Variants in CDK14 observed in about 807,000 individuals in gnomAD.
CDK14 encodes cyclin-dependent kinase 14.
CDK14 carries 34 observed loss-of-function variants against 60.7 expected under a neutral mutation model. That is an observed-to-expected ratio of 0.56 (90% CI 0.43 to 0.75). The LOEUF (loss-of-function observed/expected upper bound fraction) is 0.75, where lower values mean the gene tolerates loss of function less well. CDK14 is among the 30% of genes least tolerant of loss of function. The pLI, the probability that CDK14 is intolerant of heterozygous loss-of-function variation, is 0.00. For missense variants in CDK14, 482 were observed against 564.1 expected (o/e 0.85, Z 1.47); for synonymous variants, 197 against 203.7 (o/e 0.97, Z 0.28).
intron 2 of CDK14, among the ~76,000 whole-genome samples, chr7:90,613,588 G>A (rs552243013): frequency 9.2e-5 from 14 of 151,910 alleles, no homozygotes; most frequent in South Asian, 2.1e-4. Flanking sequence ...TTGGGAGGCC[G>A]AGGCAAGAGA....
At chr7:91,078,025 A>G (rs541332964) in intron 11 of CDK14, among the ~76,000 whole-genome samples, 3 of 152,350 alleles carry the variant, frequency 2.0e-5, no homozygotes, top group East Asian at 3.9e-4. Context: ...TAGAAGACGT[A>G]TGGAGAAAGT....
chr7:91,045,765 C>T, intron 10 of CDK14, 132 bp from the exon 11 acceptor site: 1 of 586,320 alleles, frequency 1.7e-6, no homozygotes, highest in Non-Finnish European at 3.0e-6. Context: ...GAAATAAAAT[C>T]TCTGGCATAC....
chr7:90,626,355 C>T (rs2116387412), intron 2 of CDK14, among the ~76,000 whole-genome samples: 1 of 152,086 alleles, frequency 6.6e-6, no homozygotes, highest in East Asian at 1.9e-4. Flanking sequence ...ATTTAGAGAC[C>T]CTCAGGCAGA....
chr7:91,039,221 T>C (rs184641389), intron 10 of CDK14, among the ~76,000 whole-genome samples: 11 of 152,260 alleles, frequency 7.2e-5, no homozygotes, highest in Admixed American at 1.3e-4. Context: ...ACACCCCTCA[T>C]TGAGCAGCCT....
At position 90,649,529 on chromosome 7, in the gene CDK14, T is replaced by G. The variant is rs1375107657; in HGVS notation, c.123+45280T>G. The stretch of plus-strand genomic sequence containing the variant: ...ACAACATGCAGGTTTGTTACATAGA[T>G]GTACATGTGCCATGTTGGTTTGCTG... On this transcript the variant is annotated intron_variant, in intron 2 of 14. Coordinates refer to ENST00000380050, the MANE Select transcript of CDK14 (RefSeq NM_001287135.2). Among the ~76,000 whole-genome samples, 3 of 150,692 alleles carry G rather than the reference T, an allele frequency of 2.0e-5. No individual in the cohort carries two copies. The South Asian group carries it at 6.4e-4, about 32-fold the overall frequency.
intron 8 of CDK14, among the ~76,000 whole-genome samples, chr7:90,936,057 AAAG>A (rs1006872883): frequency 1.5e-4 from 23 of 152,140 alleles, no homozygotes; most frequent in South Asian, 8.3e-4. Flanking sequence ...AAAAAAGAAA[AAAG>A]AAGAAGAAGA....
rs77288246 is a variant in CDK14 at position 91,036,722 on chromosome 7, A to G, written c.1042-9175A>G. On this transcript the variant is annotated intron_variant, in intron 10 of 14. Transcript: ENST00000380050. ...TTACTTTATTGTAAGGATATAGTAT[A>G]TAATAAATATAACATATATATAGTT... 4.4e-3 allele frequency among the ~76,000 whole-genome samples: 667 copies of G among 152,348 alleles called. 4 individuals carry two copies. Among genetic ancestry groups the G allele is most frequent in the African/African-American group, 0.015 (643 of 41,578 alleles).
At chr7:90,981,557 A>G (rs912481754) in intron 9 of CDK14, among the ~76,000 whole-genome samples, 3 of 152,228 alleles carry the variant, frequency 2.0e-5, no homozygotes, top group African/African-American at 7.2e-5. Context: ...CATTGTTTAT[A>G]TACAATTGTG....
In CDK14 at chr7:90,967,678, GAT is replaced by G. The variant is rs1206159367; in HGVS notation, c.947+11863_947+11864del. Among the ~76,000 whole-genome samples, 3 of 152,152 alleles carry G rather than the reference GAT, an allele frequency of 2.0e-5. No homozygotes were observed. The East Asian group carries it at 5.8e-4, about 29-fold the overall frequency. On this transcript the variant is annotated intron_variant, in intron 9 of 14. Transcript: ENST00000380050. ...ATGTGAGGTCATAATTCTTTAAAAA[GAT>G]AATAATTTTACATGAGTGGATTATA...
intron 10 of CDK14, among the ~76,000 whole-genome samples, chr7:91,019,483 CT>C (rs975099769): frequency 2.6e-5 from 4 of 152,104 alleles, no homozygotes; most frequent in African/African-American, 7.2e-5. Context: ...TCTTTTTAGT[CT>C]TTTTAGATCT....
intron 11 of CDK14, among the ~76,000 whole-genome samples, chr7:91,062,831 G>T: frequency 6.6e-6 from 1 of 152,172 alleles, no homozygotes; most frequent in East Asian, 1.9e-4. Context: ...GTGGTGAGCT[G>T]GGTTTCAGCT....
At chr7:91,164,117 T>G (rs371156758) in intron 14 of CDK14, among the ~76,000 whole-genome samples, 2 of 152,294 alleles carry the variant, frequency 1.3e-5, no homozygotes, top group African/African-American at 4.8e-5. Flanking sequence ...ATTACTTACA[T>G]AGCAGAACGT....
chr7:90,734,596 C>G (rs1445314021), intron 3 of CDK14, among the ~76,000 whole-genome samples: 1 of 152,030 alleles, frequency 6.6e-6, no homozygotes, highest in Non-Finnish European at 1.5e-5. Context: ...TCCCCTTGAT[C>G]GATTCAGCTA....
chr7:91,205,057 G>A (rs952441377), intron 14 of CDK14, among the ~76,000 whole-genome samples: 19 of 152,098 alleles, frequency 1.2e-4, no homozygotes, highest in Non-Finnish European at 7.4e-5. Flanking sequence ...AAATGTTTTG[G>A]CAAAATTGGA....
At chr7:91,176,996 G>C (rs1697517799) in intron 14 of CDK14, among the ~76,000 whole-genome samples, 1 of 151,392 alleles carries the variant, frequency 6.6e-6, no homozygotes, top group African/African-American at 2.4e-5. Flanking sequence ...GCCAGGCAGA[G>C]ACACAACCAA....
At chr7:90,912,839 T>G (rs182301040) in intron 7 of CDK14, among the ~76,000 whole-genome samples, 10 of 152,270 alleles carry the variant, frequency 6.6e-5, no homozygotes, top group Non-Finnish European at 1.5e-4. Context: ...CTTGAACTCT[T>G]GAAGTCAAGT....
chr7:90,798,773 G>T (rs763225703), intron 5 of CDK14, among the ~76,000 whole-genome samples: 1 of 152,226 alleles, frequency 6.6e-6, no homozygotes, highest in Non-Finnish European at 1.5e-5. Flanking sequence ...TTGAGCTAGA[G>T]TGTGTAATGG....
chr7:90,982,524 C>A (rs1795257489), intron 9 of CDK14, among the ~76,000 whole-genome samples: 1 of 152,144 alleles, frequency 6.6e-6, no homozygotes, highest in African/African-American at 2.4e-5. Flanking sequence ...AGTTTCTTAA[C>A]CTTCTCCAGA....
chr7:90,645,571 A>G (rs1167562398), intron 2 of CDK14, among the ~76,000 whole-genome samples: 1 of 152,174 alleles, frequency 6.6e-6, no homozygotes, highest in Non-Finnish European at 1.5e-5. Flanking sequence ...TAAATAATTT[A>G]TAAGAAAAAT....
Sources: gnomAD v4.1 joint callset for allele counts (sites outside exome capture counted in the v4.1 genomes callset) on GRCh38, gnomAD v4.1.1 for gene constraint, MANE v1.5 for transcripts, NCBI Gene and HGNC (gene_info 2026-07-23, HGNC 2026-07-21) for gene names.